Variants in OLIG2 observed in about 807,000 individuals in gnomAD.
OLIG2 encodes the protein basic domain, helix-loop-helix protein, class B, 1.
A neutral mutation model predicts 13.4 loss-of-function variants in OLIG2; 12 were observed. The ratio of observed to expected loss-of-function variants is 0.90; its 90% CI spans 0.58 to 1.46. The LOEUF (loss-of-function observed/expected upper bound fraction) is 1.46. Ranked by LOEUF, OLIG2 falls within the 40% of genes most tolerant of loss-of-function variation. The pLI, the probability that OLIG2 is intolerant of heterozygous loss-of-function variation, is 0.00. For missense variants in OLIG2, 415 were observed against 487.9 expected, an observed-to-expected ratio of 0.85 and a Z score of 1.41; for synonymous variants, 250 against 233.6, an observed-to-expected ratio of 1.07 and a Z score of -0.64.
At position 33,027,903 on chromosome 21, in the gene OLIG2, C is replaced by T; in HGVS notation, c.*69C>T. ...CCGCGGGGAAGCGAGGACTGGCCTG[C>T]GCTGGGCTCGGGAGCTCTGTCGCGA... On this transcript the variant is annotated 3_prime_UTR_variant, in exon 2 of 2. Coordinates refer to ENST00000382357, the MANE Select transcript of OLIG2 (RefSeq NM_005806.4). The T allele has an allele frequency of 3.8e-6, 5 of 1,324,930 alleles. No homozygotes were observed. The highest frequency in any genetic ancestry group is 4.8e-6 in the Non-Finnish European group (5 of 1,036,692). 82.1% of individuals were successfully genotyped at this position (1,324,930 alleles called of 1,614,324 possible).
rs1023172067 is a variant in OLIG2, at chr21:33,026,204, C to T, written c.-63+178C>T. 6.5e-6 allele frequency: 1 copy of T among 152,906 alleles called. No individual in the cohort carries two copies. Among genetic ancestry groups the T allele is most frequent in the Non-Finnish European group, 1.5e-5 (1 of 68,548 alleles). The allele number at this position is 152,906 out of a possible 1,614,324, so 9.5% of individuals were successfully genotyped here. ...CACACTCACCGCTGCATCTCCCTCA[C>T]CAAAAGCGAGAAGTCGGAGCGACAA... On this transcript the variant is annotated intron_variant, in intron 1 of 1. Coordinates refer to ENST00000382357, the MANE Select transcript of OLIG2 (RefSeq NM_005806.4). This position sits in a 1 kb window ranked among gnomAD's most constrained non-coding sequence, Gnocchi z 6.6.
rs905658870 is a variant in OLIG2, at chr21:33,028,243, G to A, written c.*409G>A. On this transcript the variant is annotated 3_prime_UTR_variant, in exon 2 of 2. Transcript: ENST00000382357. Reference sequence around the variant, plus strand: ...CGGCTTGGGCAGCACTTCGGGGGGGGAGGGGGTGTTATGGGAGGGGGACAC... The same window carrying A: ...CGGCTTGGGCAGCACTTCGGGGGGGAAGGGGGTGTTATGGGAGGGGGACAC... The A allele has an allele frequency of 3.2e-5, 8 of 248,080 alleles. No homozygotes were observed. Among genetic ancestry groups the A allele is most frequent in the African/African-American group, 1.3e-4 (6 of 45,570 alleles). 15.4% of individuals were successfully genotyped at this position (248,080 alleles called of 1,614,324 possible). A position where few individuals can be genotyped will look rare whatever the true frequency, so the allele number is the denominator to read the frequency against.
chr21:33,027,181 C>T lies in OLIG2; in HGVS notation c.319C>T (p.Gln107Ter). Reference sequence around the variant, plus strand: ...GAAGCAAATGACAGAGCCGGAGCTGCAGCAGCTGCGTCTCAAGATCAACAG... The same window carrying T: ...GAAGCAAATGACAGAGCCGGAGCTGTAGCAGCTGCGTCTCAAGATCAACAG... ...DKKQMTEPEL[Q>*]QLRLKINSRE... Residue 107 changes from glutamine (Q) to a stop codon, truncating the protein, a stop_gained, in exon 2 of 2, where the codon CAG becomes TAG. Coordinates refer to ENST00000382357, the MANE Select transcript of OLIG2 (RefSeq NM_005806.4). LOFTEE classifies it high-confidence loss of function. The T allele has an allele frequency of 6.2e-7, 1 of 1,610,980 alleles. No individual in the cohort carries two copies. Among genetic ancestry groups the T allele is most frequent in the South Asian group, 1.1e-5 (1 of 90,458 alleles).
In OLIG2 at chr21:33,028,316, C is replaced by T. The variant is rs571175003; in HGVS notation, c.*482C>T. The T allele has an allele frequency of 6.9e-4, 168 of 243,938 alleles. No individual in the cohort carries two copies. Among genetic ancestry groups the T allele is most frequent in the Admixed American group, 8.5e-4 (15 of 17,664 alleles). The allele number at this position is 243,938 out of a possible 1,614,324, so 15.1% of individuals were successfully genotyped here. The stretch of plus-strand genomic sequence containing the variant: ...TCCTTTCTTGGCGGGTGGGAGACTC[C>T]GGGTAGCCGCACTGCAGAAGCAACA... On this transcript the variant is annotated 3_prime_UTR_variant, in exon 2 of 2. Transcript: ENST00000382357.
Position 33,029,038 on chromosome 21 carries a change from T to C in OLIG2, c.*1204T>C. 4.2e-6 allele frequency: 1 copy of C among 240,568 alleles called. No individual in the cohort carries two copies. Among genetic ancestry groups the C allele is most frequent in the Non-Finnish European group, 8.8e-6 (1 of 113,354 alleles). The allele number at this position is 240,568 out of a possible 1,614,324, so 14.9% of individuals were successfully genotyped here. On this transcript the variant is annotated 3_prime_UTR_variant, in exon 2 of 2. Coordinates refer to ENST00000382357, the MANE Select transcript of OLIG2 (RefSeq NM_005806.4). Reference sequence around the variant, plus strand: ...AAACTGGGCTTTGTAGCGTCTGCCGTGTAACACCCTTCCTCTGATCGCACC... The same window carrying C: ...AAACTGGGCTTTGTAGCGTCTGCCGCGTAACACCCTTCCTCTGATCGCACC...
chr21:33,027,466 A>G lies in OLIG2; in HGVS notation c.604A>G (p.Thr202Ala), dbSNP rs1347924064. 9 of 1,484,662 alleles carry G rather than the reference A, an allele frequency of 6.1e-6. No individual in the cohort carries two copies. The South Asian group carries it at 1.1e-4, about 17-fold the overall frequency. 92.0% of individuals were successfully genotyped at this position (1,484,662 alleles called of 1,614,324 possible). A position where few individuals can be genotyped will look rare whatever the true frequency, so the allele number is the denominator to read the frequency against. The change falls in exon 2 of 2, where the codon ACC (threonine) becomes GCC (alanine). Residue 202 changes from threonine to alanine, a missense_variant. Around this residue, in one of 3 missense-constraint regions of OLIG2, gnomAD observed 243 missense variants for 241.2 expected, o/e 1.01. Transcript: ENST00000382357. ...LAHSAPLPAA[T>A]AHPAAAAHAA... Reference sequence around the variant, plus strand: ...GCACTCCGCGCCCCTGCCCGCCGCCACCGCGCACCCGGCAGCAGCAGCGCA... The same window carrying G: ...GCACTCCGCGCCCCTGCCCGCCGCCGCCGCGCACCCGGCAGCAGCAGCGCA...
chr21:33,026,670 G>A lies in OLIG2; in HGVS notation c.-62-131G>A. 2.9e-6 allele frequency: 2 copies of A among 678,958 alleles called. No homozygotes were observed. Among genetic ancestry groups the A allele is most frequent in the Non-Finnish European group, 4.9e-6 (2 of 411,190 alleles). 42.1% of individuals were successfully genotyped at this position (678,958 alleles called of 1,614,324 possible). A position where few individuals can be genotyped will look rare whatever the true frequency, so the allele number is the denominator to read the frequency against. ...GGGGACGAGGAGCCACGGGCCACCTGTGCCGGGACCCCGCGCTGTGGTACT... is the reference window on the plus strand; with the variant it reads ...GGGGACGAGGAGCCACGGGCCACCTATGCCGGGACCCCGCGCTGTGGTACT... On this transcript the variant is annotated intron_variant, in intron 1 of 1. Coordinates refer to ENST00000382357, the MANE Select transcript of OLIG2 (RefSeq NM_005806.4). The surrounding 1 kb of genome is among the most constrained non-coding windows in gnomAD (Gnocchi z 6.6).
At position 33,027,945 on chromosome 21, in the gene OLIG2, A is replaced by T; in HGVS notation, c.*111A>T. 8.3e-7 allele frequency: 1 copy of T among 1,200,584 alleles called. No homozygotes were observed. The highest frequency in any genetic ancestry group is 1.6e-5 in the African/African-American group (1 of 62,416). 74.4% of individuals were successfully genotyped at this position (1,200,584 alleles called of 1,614,324 possible). Reference sequence around the variant, plus strand: ...CTGTCGCGAGGAGGGGCGCAGGACCATGGACTGGGGGTGGGGCATGGTGGG... The same window carrying T: ...CTGTCGCGAGGAGGGGCGCAGGACCTTGGACTGGGGGTGGGGCATGGTGGG... On this transcript the variant is annotated 3_prime_UTR_variant, in exon 2 of 2. Transcript: ENST00000382357.
Position 33,026,884 on chromosome 21 carries a change from G to A in OLIG2, c.22G>A (p.Val8Met), listed in dbSNP as rs1981095744. The change falls in exon 2 of 2, where the codon GTG becomes ATG. Residue 8 changes from valine (V) to methionine (M), a missense_variant. Physicochemically the swap from Val to Met is conservative, Grantham distance 21. Transcript: ENST00000382357. This position sits in a 1 kb window ranked among gnomAD's most constrained non-coding sequence, Gnocchi z 6.6. MDSDASLVSSRPSSPEPD... is the reference protein window; with the variant it reads MDSDASLMSSRPSSPEPD... Reference sequence around the variant, plus strand: ...GGCCATGGACTCGGACGCCAGCCTGGTGTCCAGCCGCCCGTCGTCGCCAGA... The same window carrying A: ...GGCCATGGACTCGGACGCCAGCCTGATGTCCAGCCGCCCGTCGTCGCCAGA... 6 of 1,610,600 alleles carry A rather than the reference G, an allele frequency of 3.7e-6. No homozygotes were observed. In the East Asian group the frequency reaches 1.3e-4, roughly 36 times the overall value.
Position 33,027,031 on chromosome 21 carries a change from G to C in OLIG2, c.169G>C (p.Gly57Arg). The change falls in exon 2 of 2, where the codon GGC (glycine) becomes CGC (arginine). Residue 57 changes from glycine (G) to arginine (R), a missense_variant. By Grantham distance (125) the Gly-to-Arg change is moderately radical (BLOSUM62 -2). Coordinates refer to ENST00000382357, the MANE Select transcript of OLIG2 (RefSeq NM_005806.4). ...GCCGGAGCTGAGCGCCGAGCTGCGC[G>C]GCGCTATGGGCTCTGCGGGCGCGCA... ...CPPELSAELR[G>R]AMGSAGAHPG... The C allele has an allele frequency of 6.2e-7, 1 of 1,611,448 alleles. No individual in the cohort carries two copies. The highest frequency in any genetic ancestry group is 8.5e-7 in the Non-Finnish European group (1 of 1,178,882).
chr21:33,027,523 A>G lies in OLIG2; in HGVS notation c.661A>G (p.Ile221Val). The change falls in exon 2 of 2, where the codon ATC (isoleucine) becomes GTC (valine). Residue 221 changes from isoleucine to valine, a missense_variant. Ile to Val is a conservative substitution (Grantham distance 29, BLOSUM62 3). Coordinates refer to ENST00000382357, the MANE Select transcript of OLIG2 (RefSeq NM_005806.4). ...ACATCACCCCGCGGTGCACCACCCC[A>G]TCCTGCCGCCCGCCGCCGCAGCGGC... ...AAHHPAVHHP[I>V]LPPAAAAAAA... 6.8e-7 allele frequency: 1 copy of G among 1,474,896 alleles called. No individual in the cohort carries two copies. Among genetic ancestry groups the G allele is most frequent in the Non-Finnish European group, 8.9e-7 (1 of 1,118,130 alleles). 91.4% of individuals were successfully genotyped at this position (1,474,896 alleles called of 1,614,324 possible). A position where few individuals can be genotyped will look rare whatever the true frequency, so the allele number is the denominator to read the frequency against.
In OLIG2 at chr21:33,027,784, T is replaced by A; in HGVS notation, c.922T>A (p.Ser308Thr). 2 of 1,426,972 alleles carry A rather than the reference T, an allele frequency of 1.4e-6. No individual in the cohort carries two copies. Among genetic ancestry groups the A allele is most frequent in the Non-Finnish European group, 9.1e-7 (1 of 1,095,972 alleles). The allele number at this position is 1,426,972 out of a possible 1,614,324, so 88.4% of individuals were successfully genotyped here. The change falls in exon 2 of 2, where the codon TCG (serine) becomes ACG (threonine). Residue 308 changes from serine to threonine, a missense_variant. Physicochemically the swap from Ser to Thr is moderately conservative, Grantham distance 58. Transcript: ENST00000382357. ...CQVPPPHHHV[S>T]AMGAGSLPRL... ...GGTGCCGCCGCCGCACCACCACGTG[T>A]CGGCTATGGGCGCCGGCAGCCTGCC...
chr21:33,027,483 A>G lies in OLIG2; in HGVS notation c.621A>G (p.Ala207=). Reference sequence around the variant, plus strand: ...CCGCCGCCACCGCGCACCCGGCAGCAGCAGCGCACGCCGCACATCACCCCG... The same window carrying G: ...CCGCCGCCACCGCGCACCCGGCAGCGGCAGCGCACGCCGCACATCACCCCG... The part of the protein sequence containing the change: ...PLPAATAHPA[A]AAHAAHHPAV... Residue 207 remains alanine, a synonymous_variant, in exon 2 of 2, where the codon GCA becomes GCG. Transcript: ENST00000382357. The G allele has an allele frequency of 4.7e-6, 7 of 1,480,926 alleles. No individual in the cohort carries two copies. The highest frequency in any genetic ancestry group is 5.3e-6 in the Non-Finnish European group (6 of 1,125,534). The allele number at this position is 1,480,926 out of a possible 1,614,324, so 91.7% of individuals were successfully genotyped here.
Position 33,026,640 on chromosome 21 carries a change from G to GA in OLIG2, c.-62-161_-62-160insA, listed in dbSNP as rs1981081596. On this transcript the variant is annotated intron_variant, in intron 1 of 1. Transcript: ENST00000382357. This position sits in a 1 kb window ranked among gnomAD's most constrained non-coding sequence, Gnocchi z 6.6. ...GCTAAAAGGAGGGCCAGAGATAGTA[G>GA]CGAGGGGGACGAGGAGCCACGGGCC... is the stretch of plus-strand genomic sequence containing the variant. The GA allele has an allele frequency of 2.3e-5, 14 of 597,580 alleles. No homozygotes were observed. Among genetic ancestry groups the GA allele is most frequent in the African/African-American group, 1.7e-4 (9 of 53,708 alleles). The allele number at this position is 597,580 out of a possible 1,614,324, so 37.0% of individuals were successfully genotyped here.
chr21:33,027,947 G>A lies in OLIG2; in HGVS notation c.*113G>A. ...GTCGCGAGGAGGGGCGCAGGACCAT[G>A]GACTGGGGGTGGGGCATGGTGGGGA... On this transcript the variant is annotated 3_prime_UTR_variant, in exon 2 of 2. Transcript: ENST00000382357. The A allele has an allele frequency of 8.3e-7, 1 of 1,201,208 alleles. No individual in the cohort carries two copies. The highest frequency in any genetic ancestry group is 1.1e-6 in the Non-Finnish European group (1 of 924,210). The allele number at this position is 1,201,208 out of a possible 1,614,324, so 74.4% of individuals were successfully genotyped here.
chr21:33,027,785 C>G lies in OLIG2; in HGVS notation c.923C>G (p.Ser308Trp). Residue 308 changes from serine to tryptophan, a missense_variant, in exon 2 of 2, where the codon TCG becomes TGG. Ser to Trp is a radical substitution (Grantham distance 177). Around this residue, in one of 3 missense-constraint regions of OLIG2, gnomAD observed 243 missense variants for 241.2 expected, o/e 1.01. Transcript: ENST00000382357. ...GTGCCGCCGCCGCACCACCACGTGT[C>G]GGCTATGGGCGCCGGCAGCCTGCCG... ...CQVPPPHHHV[S>W]AMGAGSLPRL... is the part of the protein sequence containing the mutation. 7.0e-7 allele frequency: 1 copy of G among 1,425,298 alleles called. No homozygotes were observed. The highest frequency in any genetic ancestry group is 1.4e-5 in the South Asian group (1 of 70,566). 88.3% of individuals were successfully genotyped at this position (1,425,298 alleles called of 1,614,324 possible).
chr21:33,027,506 C>T lies in OLIG2; in HGVS notation c.644C>T (p.Pro215Leu). ...PAAAAHAAHHPAVHHPILPPA... is the reference protein window; with the variant it reads ...PAAAAHAAHHLAVHHPILPPA... ...GCAGCAGCGCACGCCGCACATCACC[C>T]CGCGGTGCACCACCCCATCCTGCCG... The change falls in exon 2 of 2, where the codon CCC (proline) becomes CTC (leucine). Residue 215 changes from proline to leucine, a missense_variant. Pro to Leu is a moderately conservative substitution (Grantham distance 98). Transcript: ENST00000382357. 1.3e-6 allele frequency: 2 copies of T among 1,483,316 alleles called. No individual in the cohort carries two copies. Among genetic ancestry groups the T allele is most frequent in the East Asian group, 2.8e-5 (1 of 35,364 alleles). 91.9% of individuals were successfully genotyped at this position (1,483,316 alleles called of 1,614,324 possible). A position where few individuals can be genotyped will look rare whatever the true frequency, so the allele number is the denominator to read the frequency against.
Position 33,027,452 on chromosome 21 carries a change from C to G in OLIG2, c.590C>G (p.Pro197Arg). Residue 197 changes from proline to arginine, a missense_variant, in exon 2 of 2, where the codon CCC (proline) becomes CGC (arginine). Transcript: ENST00000382357. ...SACGGLAHSA[P>R]LPAATAHPAA... ...TGCGGCGGCCTGGCGCACTCCGCGC[C>G]CCTGCCCGCCGCCACCGCGCACCCG... 1 of 1,498,502 alleles carries G rather than the reference C, an allele frequency of 6.7e-7. No homozygotes were observed. Among genetic ancestry groups the G allele is most frequent in the Non-Finnish European group, 8.8e-7 (1 of 1,132,126 alleles). The allele number at this position is 1,498,502 out of a possible 1,614,324, so 92.8% of individuals were successfully genotyped here.
Position 33,026,016 on chromosome 21 carries a change from T to C in OLIG2, c.-73T>C, listed in dbSNP as rs1981059841. ...GGCTTTTCGGAGCGAGCTCCTCAAA[T>C]CGCATCCAGAGTAAGTGTCCCCGCC... On this transcript the variant is annotated 5_prime_UTR_variant, in exon 1 of 2. Coordinates refer to ENST00000382357, the MANE Select transcript of OLIG2 (RefSeq NM_005806.4). This position sits in a 1 kb window ranked among gnomAD's most constrained non-coding sequence, Gnocchi z 6.6. 1 of 152,360 alleles carries C rather than the reference T, an allele frequency of 6.6e-6. No homozygotes were observed. The highest frequency in any genetic ancestry group is 1.5e-5 in the Non-Finnish European group (1 of 68,274). The allele number at this position is 152,360 out of a possible 1,614,324, so 9.4% of individuals were successfully genotyped here.
Sources: allele counts gnomAD v4.1 joint callset, GRCh38; gene constraint gnomAD v4.1.1; regional missense constraint gnomAD v4.1.1; non-coding constraint Gnocchi (gnomAD v3.1); transcripts MANE v1.5; gene names NCBI Gene and HGNC (gene_info 2026-07-23, HGNC 2026-07-21).